Variants in DOP1A observed in about 807,000 individuals in gnomAD.
The protein encoded by DOP1A is DOP1 leucine zipper like protein A.
In DOP1A, 90 loss-of-function variants were observed where a neutral mutation model predicts 267.6. The ratio of observed to expected loss-of-function variants is 0.34; its 90% CI spans 0.28 to 0.40. The LOEUF (loss-of-function observed/expected upper bound fraction) is 0.40. Ranked by LOEUF, DOP1A falls within the 10% of genes least tolerant of loss-of-function variation. DOP1A has a pLI of 1.00. For synonymous variants in DOP1A, 932 were observed against 999.1 expected (o/e 0.93, Z 1.27); for missense variants, 2,437 against 2,900.4 (o/e 0.84, Z 3.67).
At chr6:83,121,283 G>T (rs991407205) in intron 10 of DOP1A, among the ~76,000 whole-genome samples, 8 of 151,660 alleles carry the variant, frequency 5.3e-5, no homozygotes, top group African/African-American at 9.7e-5. Context: ...CATAAAGTAT[G>T]TAATTTCTTC....
In DOP1A at chr6:83,125,538, G is replaced by T. The variant is rs1777031391; in HGVS notation, c.1524G>T (p.Gln508His). The change falls in exon 15 of 39, where the codon CAG becomes CAT. Residue 508 changes from glutamine (Q) to histidine (H), a missense_variant. Gln to His is a conservative substitution (Grantham distance 24). This residue lies in a region of DOP1A where 498 missense variants were observed against 513.5 expected (regional missense o/e 0.97). Coordinates refer to ENST00000349129, the MANE Select transcript of DOP1A (RefSeq NM_015018.4). ...YIEIQTEHLP[Q>H]LLLRMISALT... ...AAATCCAGACAGAACACTTGCCCCAGTTGCTGCTCAGAATGATTTCTGCCT... is the reference window on the plus strand; with the variant it reads ...AAATCCAGACAGAACACTTGCCCCATTTGCTGCTCAGAATGATTTCTGCCT... 1 of 1,613,664 alleles carries T rather than the reference G, an allele frequency of 6.2e-7. No homozygotes were observed. Among genetic ancestry groups the T allele is most frequent in the Non-Finnish European group, 8.5e-7 (1 of 1,179,766 alleles).
At chr6:83,161,834 G>A (rs1192510524) in intron 37 of DOP1A, among the ~76,000 whole-genome samples, 1 of 152,018 alleles carries the variant, frequency 6.6e-6, no homozygotes, top group Non-Finnish European at 1.5e-5. Context: ...GATTTATCCT[G>A]TCTCTATATT....
At chr6:83,139,935 C>T in intron 21 of DOP1A, 65 bp from the exon 22 acceptor site, 1 of 1,058,318 alleles carries the variant, frequency 9.4e-7, no homozygotes, top group Non-Finnish European at 1.4e-6. Flanking sequence ...TGAGTATTTA[C>T]TAGTGATAAA....
At chr6:83,098,366 A>T (rs1287433505) in intron 3 of DOP1A, among the ~76,000 whole-genome samples, 1 of 152,188 alleles carries the variant, frequency 6.6e-6, no homozygotes, top group African/African-American at 2.4e-5. Context: ...AAGCAGTTCT[A>T]CAGTAGATAC....
At chr6:83,129,980 T>A in intron 16 of DOP1A, 143 bp from the exon 17 acceptor site, 1 of 962,500 alleles carries the variant, frequency 1.0e-6, no homozygotes, top group Non-Finnish European at 1.5e-6. Context: ...TTATTAAAGC[T>A]CTAGACTAGG....
At chr6:83,150,791 A>C (rs1321069101) in intron 27 of DOP1A, among the ~76,000 whole-genome samples, 1 of 152,254 alleles carries the variant, frequency 6.6e-6, no homozygotes, top group African/African-American at 2.4e-5. Flanking sequence ...ATTACAATTT[A>C]AGATTTTTTA....
chr6:83,141,146 AT>A (rs1038296505), intron 23 of DOP1A, among the ~76,000 whole-genome samples: 3 of 152,232 alleles, frequency 2.0e-5, no homozygotes, highest in Admixed American at 1.3e-4. Flanking sequence ...AGCCACTAAT[AT>A]TCATGGTTTT....
intron 1 of DOP1A, among the ~76,000 whole-genome samples, chr6:83,089,518 T>C (rs1769944810): frequency 6.6e-6 from 1 of 152,248 alleles, no homozygotes; most frequent in Non-Finnish European, 1.5e-5. Flanking sequence ...CCAATTTATC[T>C]GAGTTGTAAC....
At chr6:83,105,945 A>G (rs1297897144) in intron 4 of DOP1A, among the ~76,000 whole-genome samples, 4 of 152,200 alleles carry the variant, frequency 2.6e-5, no homozygotes, top group Admixed American at 2.6e-4. Context: ...TTAAATCTAG[A>G]ATACCATTTC....
chr6:83,142,690 T>C (rs1779852911), intron 24 of DOP1A, among the ~76,000 whole-genome samples: 1 of 152,178 alleles, frequency 6.6e-6, no homozygotes. Context: ...GTTTTCATCT[T>C]GACTATAGTT....
chr6:83,115,932 A>G (rs1223209285), intron 7 of DOP1A, among the ~76,000 whole-genome samples: 8 of 152,198 alleles, frequency 5.3e-5, no homozygotes, highest in Admixed American at 1.3e-4. Context: ...TATAATCTTC[A>G]TATCTTATGT....
chr6:83,120,891 G>A (rs1776263791), intron 10 of DOP1A, 100 bp downstream of exon 10: 2 of 864,778 alleles, frequency 2.3e-6, no homozygotes, highest in Non-Finnish European at 3.3e-6. Flanking sequence ...TTTTGAGGTG[G>A]CCTTTAAATA....
At chr6:83,120,879 T>C (rs77915803) in intron 10 of DOP1A, 88 bp downstream of exon 10, 604 of 999,620 alleles carry the variant, frequency 6.0e-4, no homozygotes, top group Admixed American at 1.8e-3. Flanking sequence ...GAAATTGTTA[T>C]ATTTTGAGGT....
chr6:83,078,464 A>G (rs984908105), intron 1 of DOP1A, among the ~76,000 whole-genome samples: 1 of 152,230 alleles, frequency 6.6e-6, no homozygotes, highest in Admixed American at 6.5e-5. Flanking sequence ...GACATAGTCC[A>G]GGTATAAAAT....
chr6:83,158,749 C>G, intron 36 of DOP1A, 127 bp downstream of exon 36: 1 of 693,564 alleles, frequency 1.4e-6, no homozygotes, highest in East Asian at 2.9e-5. Context: ...TAATTGATTA[C>G]GTTTGGATAT....
chr6:83,153,421 TC>T (rs1253591610), intron 30 of DOP1A, 89 bp from the exon 31 acceptor site: 7 of 748,134 alleles, frequency 9.4e-6, no homozygotes, highest in Non-Finnish European at 1.5e-5. Context: ...TTTTAAGTAG[TC>T]TAGGTTTTCT....
Position 83,134,091 on chromosome 6 carries a change from G to A in DOP1A, c.2770-96G>A, listed in dbSNP as rs148372230. ...TGTTTGAATATTGTGGACGTTGAACGTAATACAGTACTCCTAAATAGTACT... is the reference window on the plus strand; with the variant it reads ...TGTTTGAATATTGTGGACGTTGAACATAATACAGTACTCCTAAATAGTACT... On this transcript the variant is annotated intron_variant, in intron 18 of 38. Transcript: ENST00000349129. 3.0e-5 allele frequency: 27 copies of A among 895,698 alleles called. No individual in the cohort carries two copies. The East Asian group carries it at 4.3e-4, about 14-fold the overall frequency. 55.5% of individuals were successfully genotyped at this position (895,698 alleles called of 1,614,324 possible). A position where few individuals can be genotyped will look rare whatever the true frequency, so the allele number is the denominator to read the frequency against.
At chr6:83,125,290 T>G (rs549294558) in intron 14 of DOP1A, 95 bp downstream of exon 14, 1 of 1,271,430 alleles carries the variant, frequency 7.9e-7, no homozygotes, top group East Asian at 2.5e-5. Flanking sequence ...GGGGTTATTT[T>G]ATAATATATG....
At chr6:83,090,861 A>G (rs1770226936) in intron 1 of DOP1A, among the ~76,000 whole-genome samples, 1 of 152,232 alleles carries the variant, frequency 6.6e-6, no homozygotes, top group South Asian at 2.1e-4. Context: ...TTTCTGATAT[A>G]TAATGACAAT....
Sources: gnomAD v4.1 joint callset for allele counts (sites outside exome capture counted in the v4.1 genomes callset) on GRCh38, gnomAD v4.1.1 for gene constraint, gnomAD v4.1.1 regional missense constraint, MANE v1.5 for transcripts, NCBI Gene and HGNC (gene_info 2026-07-23, HGNC 2026-07-21) for gene names.